The following CHSY1 variants were observed in gnomAD, a reference collection of about 807,000 sequenced individuals.
CHSY1 encodes chondroitin sulfate synthase 1.
Under a neutral mutation model 59.8 loss-of-function variants are expected in CHSY1, and 13 were observed. That is an observed-to-expected ratio of 0.22 (90% CI 0.14 to 0.35). The LOEUF (loss-of-function observed/expected upper bound fraction) is 0.35, where lower values mean the gene tolerates loss of function less well. CHSY1 is among the 10% of genes least tolerant of loss of function. CHSY1 has a pLI of 1.00. For missense variants in CHSY1, 947 were observed against 1,030.6 expected (o/e 0.92, Z 1.11); for synonymous variants, 459 against 401.2 (o/e 1.14, Z -1.72).
At chr15:101,184,134 C>A (rs557185248) in intron 2 of CHSY1, among the ~76,000 whole-genome samples, 73 of 152,318 alleles carry the variant, frequency 4.8e-4, no homozygotes, top group African/African-American at 1.6e-3. Context: ...TTCTCACACA[C>A]CCACTAGGAC....
intron 2 of CHSY1, among the ~76,000 whole-genome samples, chr15:101,179,808 G>A (rs2038251932): frequency 6.6e-6 from 1 of 152,208 alleles, no homozygotes; most frequent in Admixed American, 6.5e-5. Context: ...GCAGGTTTTG[G>A]GACAGCATAA....
rs117786392 is a variant in CHSY1, at chr15:101,210,026, G to A, written c.816+25056C>T. ...TTAAAGCACTTGTCTTCAACTCTTA[G>A]TCCGTTATTTCTCTTCCTGCCTACT... is the stretch of plus-strand genomic sequence containing the variant. On this transcript the variant is annotated intron_variant, in intron 2 of 2. Transcript: ENST00000254190. 6.7e-3 allele frequency among the ~76,000 whole-genome samples: 1,021 copies of A among 152,268 alleles called. 12 individuals are homozygous for A. The highest frequency in any genetic ancestry group is 0.032 in the East Asian group (167 of 5,186).
intron 2 of CHSY1, among the ~76,000 whole-genome samples, chr15:101,197,737 G>T (rs2038523510): frequency 6.6e-6 from 1 of 152,184 alleles, no homozygotes; most frequent in Non-Finnish European, 1.5e-5. Flanking sequence ...TTCCTAAGAA[G>T]CCAGGATTCT....
intron 1 of CHSY1, among the ~76,000 whole-genome samples, chr15:101,237,719 C>T (rs939031104): frequency 6.6e-6 from 1 of 152,210 alleles, no homozygotes; most frequent in Non-Finnish European, 1.5e-5. Flanking sequence ...ATCGCACTTT[C>T]CCTCCTACTT....
intron 2 of CHSY1, among the ~76,000 whole-genome samples, chr15:101,206,626 G>A (rs568631888): frequency 2.6e-5 from 4 of 152,316 alleles, no homozygotes; most frequent in African/African-American, 7.2e-5. Context: ...AAAGTAAACT[G>A]TGGAAGCTAG....
chr15:101,250,923 G>A (rs2039102059), intron 1 of CHSY1, among the ~76,000 whole-genome samples: 1 of 152,206 alleles, frequency 6.6e-6, no homozygotes, highest in South Asian at 2.1e-4. Flanking sequence ...TAGTCCATCT[G>A]ACCCCAAAGG....
chr15:101,233,053 C>T (rs2038906598), intron 2 of CHSY1, among the ~76,000 whole-genome samples: 1 of 152,228 alleles, frequency 6.6e-6, no homozygotes, highest in Non-Finnish European at 1.5e-5. Flanking sequence ...GTCCCTTCAG[C>T]TGATGAGGCC....
intron 2 of CHSY1, among the ~76,000 whole-genome samples, chr15:101,201,711 G>A (rs1488251864): frequency 6.6e-6 from 1 of 152,208 alleles, no homozygotes; most frequent in Non-Finnish European, 1.5e-5. Flanking sequence ...GCGTTCCCTG[G>A]CAGCTCTGGT....
chr15:101,235,412 G>T lies in CHSY1; in HGVS notation c.486C>A (p.Asp162Glu). ...MLKYMHDHYL[D>E]KYEWFMRADD... ...CTGCTCTCATAAACCATTCATACTT[G>T]TCCAAGTAGTGGTCGTGCATGTACT... is the stretch of plus-strand genomic sequence containing the variant. Residue 162 changes from aspartate (D) to glutamate (E), a missense_variant, in exon 2 of 3, where the codon GAC becomes GAA. Physicochemically the swap from Asp to Glu is conservative, Grantham distance 45 (BLOSUM62 2). This residue lies in a region of CHSY1 where 108 missense variants were observed against 144.4 expected (regional missense o/e 0.75). Transcript: ENST00000254190. 1 of 1,614,136 alleles carries T rather than the reference G, an allele frequency of 6.2e-7. No individual in the cohort carries two copies.
chr15:101,215,500 C>T (rs1247962411), intron 2 of CHSY1, among the ~76,000 whole-genome samples: 57 of 152,232 alleles, frequency 3.7e-4, no homozygotes, highest in Non-Finnish European at 6.9e-4. Context: ...CTGAGGAGGC[C>T]AATGTGGGTG....
chr15:101,221,310 G>A (rs1231810468), intron 2 of CHSY1, among the ~76,000 whole-genome samples: 1 of 152,156 alleles, frequency 6.6e-6, no homozygotes, highest in Non-Finnish European at 1.5e-5. Flanking sequence ...CCTGGCCAAC[G>A]TGGCAAAATC....
At position 101,251,649 on chromosome 15, in the gene CHSY1, G is replaced by C. The variant is rs866313366; in HGVS notation, c.-193C>G. The C allele has an allele frequency of 1.4e-5, 2 of 146,334 alleles. No homozygotes were observed. Among genetic ancestry groups the C allele is most frequent in the Admixed American group, 6.8e-5 (1 of 14,726 alleles). 9.1% of individuals were successfully genotyped at this position (146,334 alleles called of 1,614,324 possible). Reference sequence around the variant, plus strand: ...AGGCCCCGCGCCGGCGCTTTGTTCCGCACGCCCGCCCCCGCCGCCGCGGCC... The same window carrying C: ...AGGCCCCGCGCCGGCGCTTTGTTCCCCACGCCCGCCCCCGCCGCCGCGGCC... On this transcript the variant is annotated 5_prime_UTR_variant, in exon 1 of 3. Coordinates refer to ENST00000254190, the MANE Select transcript of CHSY1 (RefSeq NM_014918.5).
At chr15:101,209,260 T>C (rs1480029765) in intron 2 of CHSY1, among the ~76,000 whole-genome samples, 3 of 152,280 alleles carry the variant, frequency 2.0e-5, no homozygotes, top group South Asian at 2.1e-4. Context: ...TTGAACCTAA[T>C]CATGAGAAAA....
At position 101,251,187 on chromosome 15, in the gene CHSY1, T is replaced by G. The variant is rs2039106627; in HGVS notation, c.270A>C (p.Gly90=). Residue 90 remains glycine (G), a synonymous_variant, in exon 1 of 3, where the codon GGA becomes GGC. Transcript: ENST00000254190. ...GPRDRNFLFV[G]VMTAQKYLQT... is the part of the protein sequence containing the mutation. Reference sequence around the variant, plus strand: ...GCAGGTATTTCTGGGCGGTCATGACTCCCACGAAGAGAAAGTTCCTGTCGC... The same window carrying G: ...GCAGGTATTTCTGGGCGGTCATGACGCCCACGAAGAGAAAGTTCCTGTCGC... The G allele has an allele frequency of 3.7e-6, 6 of 1,600,432 alleles. No homozygotes were observed. The highest frequency in any genetic ancestry group is 1.3e-5 in the African/African-American group (1 of 74,598).
intron 2 of CHSY1, among the ~76,000 whole-genome samples, chr15:101,223,243 C>T (rs188954741): frequency 3.3e-5 from 5 of 152,346 alleles, no homozygotes; most frequent in Admixed American, 2.0e-4. Context: ...GATCCACCCA[C>T]CTTGGCCTCC....
At chr15:101,217,662 G>T (rs2038748235) in intron 2 of CHSY1, among the ~76,000 whole-genome samples, 1 of 152,092 alleles carries the variant, frequency 6.6e-6, no homozygotes, top group Admixed American at 6.5e-5. Flanking sequence ...AGTGGACAAA[G>T]GTGGAACAAG....
chr15:101,209,229 G>A (rs28731492), intron 2 of CHSY1, among the ~76,000 whole-genome samples: 47,466 of 152,004 alleles, frequency 0.31, 9,138 homozygotes, highest in African/African-American at 0.55. Context: ...ACACAGCAAC[G>A]CTTCTGTAGT....
intron 1 of CHSY1, among the ~76,000 whole-genome samples, chr15:101,244,490 C>A (rs1002186312): frequency 1.3e-5 from 2 of 152,242 alleles, no homozygotes; most frequent in Non-Finnish European, 2.9e-5. Flanking sequence ...AAATGGAATG[C>A]AGTTTCTCTT....
At chr15:101,236,596 C>T (rs908914114) in intron 1 of CHSY1, among the ~76,000 whole-genome samples, 6 of 152,080 alleles carry the variant, frequency 3.9e-5, no homozygotes, top group African/African-American at 9.6e-5. Context: ...CCGAGGCGGG[C>T]GGATCATGAG....
Sources: gnomAD v4.1 joint callset for allele counts (sites outside exome capture counted in the v4.1 genomes callset) on GRCh38, gnomAD v4.1.1 for gene constraint, gnomAD v4.1.1 regional missense constraint, MANE v1.5 for transcripts, NCBI Gene and HGNC (gene_info 2026-07-23, HGNC 2026-07-21) for gene names.